The following LMNB1 variants were observed in gnomAD, a reference collection of about 807,000 sequenced individuals.
LMNB1 encodes the protein lamin B1.
A neutral mutation model predicts 67.1 loss-of-function variants in LMNB1; 23 were observed. The ratio of observed to expected loss-of-function variants is 0.34; its 90% CI spans 0.25 to 0.49. LMNB1 has a LOEUF of 0.49. Ranked by LOEUF, LMNB1 falls within the 20% of genes least tolerant of loss-of-function variation. LMNB1 has a pLI of 0.99. For synonymous variants in LMNB1, 281 were observed against 282.9 expected (o/e 0.99, Z 0.07); for missense variants, 634 against 746.5 (o/e 0.85, Z 1.76).
At chr5:126,777,895 C>A (rs55750112) in intron 1 of LMNB1, 28 bp downstream of exon 1, 8 of 1,379,798 alleles carry the variant, frequency 5.8e-6, no homozygotes, top group Admixed American at 6.6e-5. Flanking sequence ...GCCGCGTTAG[C>A]GCCAAGGAGG....
At chr5:126,796,208 T>TGTGAGCTACCGTGCCCG in intron 1 of LMNB1, among the ~76,000 whole-genome samples, 1 of 151,998 alleles carries the variant, frequency 6.6e-6, no homozygotes, top group East Asian at 1.9e-4. Flanking sequence ...GGATTATAGG[T>TGTGAGCTACCGTGCCCG]GTGAGCTACC....
At chr5:126,778,821 G>A (rs553878180) in intron 1 of LMNB1, among the ~76,000 whole-genome samples, 1 of 152,180 alleles carries the variant, frequency 6.6e-6, no homozygotes, top group Non-Finnish European at 1.5e-5. Context: ...AGGTGACAGG[G>A]TGCTGTGTAA....
At chr5:126,805,468 T>C in intron 2 of LMNB1, 103 bp from the exon 3 acceptor site, 1 of 762,886 alleles carries the variant, frequency 1.3e-6, no homozygotes, top group Non-Finnish European at 2.1e-6. Context: ...GATAAATATA[T>C]AGGAATTTTA....
chr5:126,798,134 A>AAAACAAACAAACAAAC (rs143035589), intron 1 of LMNB1, among the ~76,000 whole-genome samples: 7 of 148,208 alleles, frequency 4.7e-5, no homozygotes, highest in African/African-American at 1.7e-4. Flanking sequence ...AGACCGTCTC[A>AAAACAAACAAACAAAC]AAACAAACAA....
chr5:126,782,841 C>T (rs1289931545), intron 1 of LMNB1, among the ~76,000 whole-genome samples: 3 of 152,092 alleles, frequency 2.0e-5, no homozygotes, highest in East Asian at 1.9e-4. Flanking sequence ...AGCCACTGTG[C>T]CTGGTCAAAA....
At chr5:126,809,017 A>G (rs973995759) in intron 3 of LMNB1, among the ~76,000 whole-genome samples, 28 of 152,054 alleles carry the variant, frequency 1.8e-4, no homozygotes, top group Non-Finnish European at 2.4e-4. Flanking sequence ...CTGGGATTAC[A>G]GGCACCCTCC....
rs1580563162 is a variant in LMNB1, at chr5:126,836,415, A to T, written c.*151A>T. The T allele has an allele frequency of 1.7e-6, 1 of 586,084 alleles. No individual in the cohort carries two copies. Among genetic ancestry groups the T allele is most frequent in the African/African-American group, 1.9e-5 (1 of 53,516 alleles). The allele number at this position is 586,084 out of a possible 1,614,324, so 36.3% of individuals were successfully genotyped here. On this transcript the variant is annotated 3_prime_UTR_variant, in exon 11 of 11. Coordinates refer to ENST00000261366, the MANE Select transcript of LMNB1 (RefSeq NM_005573.4). ...TGATGGCCTTAATTTCCTTTTTGACACTGAAAGTTTTGTAAAAGAAATCAT... is the reference window on the plus strand; with the variant it reads ...TGATGGCCTTAATTTCCTTTTTGACTCTGAAAGTTTTGTAAAAGAAATCAT...
chr5:126,807,052 C>T (rs1177080083), intron 3 of LMNB1, among the ~76,000 whole-genome samples: 1 of 152,218 alleles, frequency 6.6e-6, no homozygotes, highest in African/African-American at 2.4e-5. Context: ...GCTGGGATTA[C>T]AGGCGTGAGC....
intron 3 of LMNB1, among the ~76,000 whole-genome samples, chr5:126,808,914 T>C (rs1409915264): frequency 6.6e-6 from 1 of 151,954 alleles, no homozygotes; most frequent in East Asian, 1.9e-4. Flanking sequence ...CCAGCTCAGC[T>C]GCCCAGGCTG....
chr5:126,807,419 C>T (rs1751470117), intron 3 of LMNB1, among the ~76,000 whole-genome samples: 1 of 152,140 alleles, frequency 6.6e-6, no homozygotes, highest in African/African-American at 2.4e-5. Flanking sequence ...GTGCAAGGTG[C>T]ACCAGACAAG....
chr5:126,830,865 T>C (rs1309633754), intron 9 of LMNB1, among the ~76,000 whole-genome samples: 2 of 152,264 alleles, frequency 1.3e-5, no homozygotes, highest in Non-Finnish European at 2.9e-5. Flanking sequence ...TATCTCCTAG[T>C]TGATAGCTTG....
At chr5:126,804,955 G>T (rs1751381806) in intron 2 of LMNB1, 23 bp downstream of exon 2, 1 of 1,609,202 alleles carries the variant, frequency 6.2e-7, no homozygotes, top group Non-Finnish European at 8.5e-7. Flanking sequence ...CTACTCTTGA[G>T]CCGTATGTGA....
At chr5:126,777,905 G>T (rs1208407448) in intron 1 of LMNB1, 38 bp downstream of exon 1, 1 of 1,381,352 alleles carries the variant, frequency 7.2e-7, no homozygotes, top group Non-Finnish European at 9.3e-7. Context: ...CGCCAAGGAG[G>T]GGCGGGGGCG....
At chr5:126,812,794 G>A (rs557105472) in intron 5 of LMNB1, among the ~76,000 whole-genome samples, 35 of 142,370 alleles carry the variant, frequency 2.5e-4, no homozygotes, top group Non-Finnish European at 4.5e-4. Context: ...GCAGTGGTAC[G>A]ATCTCGGCTC....
intron 5 of LMNB1, among the ~76,000 whole-genome samples, chr5:126,812,529 T>A (rs1051374415): frequency 3.0e-4 from 46 of 152,176 alleles, no homozygotes; most frequent in African/African-American, 1.1e-3. Flanking sequence ...TGGACACTAC[T>A]TCAGATCAGT....
chr5:126,804,161 C>T (rs1426146330), intron 1 of LMNB1, among the ~76,000 whole-genome samples: 1 of 151,858 alleles, frequency 6.6e-6, no homozygotes, highest in Non-Finnish European at 1.5e-5. Context: ...CAGCCTCAAC[C>T]TCCTGGGCTC....
intron 1 of LMNB1, among the ~76,000 whole-genome samples, chr5:126,787,546 A>ATATATATATATATATATATATT: frequency 1.5e-5 from 1 of 65,584 alleles, no homozygotes; most frequent in African/African-American, 6.6e-5. Context: ...ATATATATAT[A>ATATATATATATATATATATATT]TTTTTTTTTT....
intron 1 of LMNB1, among the ~76,000 whole-genome samples, chr5:126,800,982 A>ATATATATATTTTTTTTT: frequency 3.8e-4 from 7 of 18,634 alleles, no homozygotes; most frequent in Non-Finnish European, 7.3e-4. Context: ...TATATATATA[A>ATATATATATTTTTTTTT]TTTTTTTTTT....
At chr5:126,834,205 C>CT (rs1277722117) in intron 10 of LMNB1, among the ~76,000 whole-genome samples, 2 of 150,708 alleles carry the variant, frequency 1.3e-5, no homozygotes, top group African/African-American at 4.9e-5. Context: ...AGGTTTCTTT[C>CT]TTTTTTCTTT....
Sources: gnomAD v4.1 joint callset for allele counts (sites outside exome capture counted in the v4.1 genomes callset) on GRCh38, gnomAD v4.1.1 for gene constraint, MANE v1.5 for transcripts, NCBI Gene and HGNC (gene_info 2026-07-23, HGNC 2026-07-21) for gene names.